Variants in PDZD2 observed in about 807,000 individuals in gnomAD.
PDZD2 encodes the protein PDZ domain-containing protein 2.
A neutral mutation model predicts 220.7 loss-of-function variants in PDZD2; 90 were observed. The ratio of observed to expected loss-of-function variants is 0.41; its 90% CI spans 0.34 to 0.49. PDZD2 has a LOEUF of 0.49. Ranked by LOEUF, PDZD2 falls within the 20% of genes least tolerant of loss-of-function variation. The pLI is 0.28. For synonymous variants in PDZD2, 1,375 were observed against 1,450.5 expected, an observed-to-expected ratio of 0.95 and a Z score of 1.18; for missense variants, 3,174 against 3,608.5, an observed-to-expected ratio of 0.88 and a Z score of 3.08.
intron 1 of PDZD2, among the ~76,000 whole-genome samples, chr5:31,702,090 C>T (rs1747633800): frequency 1.3e-5 from 2 of 152,342 alleles, no homozygotes; most frequent in East Asian, 3.9e-4. Context: ...GTCTCTCTAT[C>T]CCCAACATCC....
chr5:31,818,428 C>A (rs1290745834), intron 2 of PDZD2, among the ~76,000 whole-genome samples: 2 of 152,164 alleles, frequency 1.3e-5, no homozygotes, highest in African/African-American at 4.8e-5. Context: ...GCCTGCCACC[C>A]ATCCTCCCCA....
At chr5:31,677,914 G>A (rs533835446) in intron 1 of PDZD2, among the ~76,000 whole-genome samples, 1 of 152,134 alleles carries the variant, frequency 6.6e-6, no homozygotes, top group South Asian at 2.1e-4. Flanking sequence ...ACCAAGGGAA[G>A]GGAGGGACTT....
chr5:32,107,765 G>A (rs561579828), intron 24 of PDZD2, among the ~76,000 whole-genome samples: 8 of 152,280 alleles, frequency 5.3e-5, no homozygotes, highest in African/African-American at 1.9e-4. Context: ...GTTTGGAGGG[G>A]CGGCAGGAGG....
At chr5:31,796,824 G>A (rs1263431230) in intron 1 of PDZD2, among the ~76,000 whole-genome samples, 2 of 152,062 alleles carry the variant, frequency 1.3e-5, no homozygotes, top group Non-Finnish European at 2.9e-5. Context: ...TCGACACCAG[G>A]AAAACATTTC....
At chr5:31,902,443 T>C (rs995545433) in intron 2 of PDZD2, among the ~76,000 whole-genome samples, 3 of 152,164 alleles carry the variant, frequency 2.0e-5, no homozygotes, top group African/African-American at 7.2e-5. Flanking sequence ...GATTGTCTGC[T>C]TATTATTGAA....
chr5:31,984,210 G>C (rs1750531945), intron 3 of PDZD2, among the ~76,000 whole-genome samples: 1 of 152,208 alleles, frequency 6.6e-6, no homozygotes, highest in South Asian at 2.1e-4. Context: ...TTCTAGGGAA[G>C]TTTGGAAGCT....
chr5:31,830,031 G>A (rs1187175232), intron 2 of PDZD2, among the ~76,000 whole-genome samples: 1 of 152,072 alleles, frequency 6.6e-6, no homozygotes, highest in Non-Finnish European at 1.5e-5. Flanking sequence ...CTGGGTGACA[G>A]AGCGAGACTC....
chr5:31,930,795 C>T (rs1404831376), intron 2 of PDZD2, among the ~76,000 whole-genome samples: 1 of 152,044 alleles, frequency 6.6e-6, no homozygotes, highest in Non-Finnish European at 1.5e-5. Flanking sequence ...TGCGACCAGA[C>T]GCGGTGGCTC....
At chr5:31,833,072 A>G (rs1208963339) in intron 2 of PDZD2, among the ~76,000 whole-genome samples, 3 of 152,190 alleles carry the variant, frequency 2.0e-5, no homozygotes, top group Non-Finnish European at 2.9e-5. Context: ...TGGTTGATTA[A>G]TAAGAAAGTA....
intron 1 of PDZD2, among the ~76,000 whole-genome samples, chr5:31,694,035 A>G (rs1205662846): frequency 4.6e-5 from 7 of 152,216 alleles, no homozygotes; most frequent in Non-Finnish European, 8.8e-5. Flanking sequence ...TTTAAAGACA[A>G]TGGTAGAATG....
intron 1 of PDZD2, among the ~76,000 whole-genome samples, chr5:31,736,755 G>C (rs959245184): frequency 6.6e-6 from 1 of 152,192 alleles, no homozygotes; most frequent in East Asian, 1.9e-4. Flanking sequence ...GTTGGAGGTG[G>C]GGCCTGCTGG....
intron 4 of PDZD2, 150 bp from the exon 5 acceptor site, chr5:31,999,989 G>C (rs563251784): frequency 4.7e-6 from 3 of 634,418 alleles, no homozygotes; most frequent in African/African-American, 1.8e-5. Context: ...ATAAACAATC[G>C]CATCCCCAAC....
rs201990765 is a variant in PDZD2, at chr5:31,983,299, C to A, written c.621C>A (p.Asp207Glu). The A allele has an allele frequency of 6.2e-7, 1 of 1,614,172 alleles. No homozygotes were observed. The highest frequency in any genetic ancestry group is 1.7e-5 in the Admixed American group (1 of 60,020). Residue 207 changes from aspartate (D) to glutamate (E), a missense_variant, in exon 3 of 25, where the codon GAC becomes GAA. Transcript: ENST00000438447. Reference sequence around the variant, plus strand: ...AAACACCTACCTTGGAGCTGGGTGACCGAACTGCGAAAAAGGGGAAACGAA... The same window carrying A: ...AAACACCTACCTTGGAGCTGGGTGAACGAACTGCGAAAAAGGGGAAACGAA... Reference protein sequence around the residue: ...PGETPTLELGDRTAKKGKRTR... With the variant: ...PGETPTLELGERTAKKGKRTR...
chr5:31,788,659 C>T (rs1234244322), intron 1 of PDZD2, among the ~76,000 whole-genome samples: 2 of 95,428 alleles, frequency 2.1e-5, no homozygotes, highest in African/African-American at 7.9e-5. Context: ...AAGTGAGACT[C>T]TGTCTCAAAA....
chr5:32,086,084 CCT>C (rs1416762464), intron 19 of PDZD2, among the ~76,000 whole-genome samples: 1 of 152,184 alleles, frequency 6.6e-6, no homozygotes, highest in African/African-American at 2.4e-5. Context: ...CTCTCCCACT[CCT>C]CTGAATTCGT....
intron 1 of PDZD2, among the ~76,000 whole-genome samples, chr5:31,790,473 G>T (rs900803028): frequency 1.3e-5 from 2 of 152,080 alleles, no homozygotes; most frequent in Non-Finnish European, 2.9e-5. Context: ...CTTTTCTGGG[G>T]GCTGAACATT....
rs749715232 is a variant in PDZD2 at position 32,088,146 on chromosome 5, T to C, written c.4698T>C (p.Thr1566=). 6.2e-7 allele frequency: 1 copy of C among 1,614,062 alleles called. No homozygotes were observed. Residue 1566 remains threonine (T), a synonymous_variant, in exon 20 of 25, where the codon ACT becomes ACC. Coordinates refer to ENST00000438447, the MANE Select transcript of PDZD2 (RefSeq NM_178140.4). The surrounding 1 kb of genome is among the most constrained non-coding windows in gnomAD (Gnocchi z 4.6). The part of the protein sequence containing the change: ...EDSSSDPESL[T]EAPRASARDG... Reference sequence around the variant, plus strand: ...CTTCTTCTGACCCTGAGTCACTCACTGAAGCCCCACGAGCTTCTGCCAGGG... The same window carrying C: ...CTTCTTCTGACCCTGAGTCACTCACCGAAGCCCCACGAGCTTCTGCCAGGG...
At chr5:31,664,150 A>G (rs558249331) in intron 1 of PDZD2, among the ~76,000 whole-genome samples, 1 of 152,204 alleles carries the variant, frequency 6.6e-6, no homozygotes, top group South Asian at 2.1e-4. Flanking sequence ...TGCTGTGACA[A>G]TTAAACCTCC....
chr5:31,807,930 T>C (rs1754837636), intron 2 of PDZD2, among the ~76,000 whole-genome samples: 1 of 152,212 alleles, frequency 6.6e-6, no homozygotes. Context: ...TGAACTTGCA[T>C]GTAAAATTAA....
Sources: allele counts gnomAD v4.1 joint callset (sites outside exome capture counted in the v4.1 genomes callset), GRCh38; gene constraint gnomAD v4.1.1; non-coding constraint Gnocchi (gnomAD v3.1); transcripts MANE v1.5; gene names NCBI Gene and HGNC (gene_info 2026-07-23, HGNC 2026-07-21).